The following SH2B2 variants were observed in gnomAD, a reference collection of about 807,000 sequenced individuals.
SH2B2 encodes SH2B adaptor protein 2, also known as SH2B adapter protein 2.
In SH2B2, 37 loss-of-function variants were observed where a neutral mutation model predicts 35.7. The ratio of observed to expected loss-of-function variants is 1.04; its 90% CI spans 0.80 to 1.36. SH2B2 has a LOEUF of 1.36. Among genes scored for constraint, SH2B2 ranks in the 40% most tolerant of loss-of-function variants. SH2B2 has a pLI of 0.00. For synonymous variants in SH2B2, 383 were observed against 376.4 expected (o/e 1.02, Z -0.20); for missense variants, 852 against 817.7 (o/e 1.04, Z -0.51).
Position 102,286,887 on chromosome 7 carries a change from C to T in SH2B2, c.-237C>T, listed in dbSNP as rs1792473641. On this transcript the variant is annotated 5_prime_UTR_variant, in exon 1 of 9. Transcript: ENST00000444095. Reference sequence around the variant, plus strand: ...AGGGGCGCGCCGCGCTGGGGCTGGGCTTGGAGCGCGCGGAGCTCGGCTGCC... The same window carrying T: ...AGGGGCGCGCCGCGCTGGGGCTGGGTTTGGAGCGCGCGGAGCTCGGCTGCC... 1.4e-5 allele frequency: 2 copies of T among 146,118 alleles called. No individual in the cohort carries two copies. The highest frequency in any genetic ancestry group is 5.0e-5 in the African/African-American group (2 of 40,368). The allele number at this position is 146,118 out of a possible 1,614,324, so 9.1% of individuals were successfully genotyped here.
Position 102,314,436 on chromosome 7 carries a change from G to C in SH2B2, c.1015+9G>C. 1 of 397,482 alleles carries C rather than the reference G, an allele frequency of 2.5e-6. No homozygotes were observed. The highest frequency in any genetic ancestry group is 4.4e-5 in the Admixed American group (1 of 22,682). The allele number at this position is 397,482 out of a possible 1,614,324, so 24.6% of individuals were successfully genotyped here. Reference sequence around the variant, plus strand: ...TGAGCTCCTGACTGATGGTAGGTAGGGGGACAGGGTTGAAGGAGGGGCACA... The same window carrying C: ...TGAGCTCCTGACTGATGGTAGGTAGCGGGACAGGGTTGAAGGAGGGGCACA... On this transcript the variant is annotated intron_variant, in intron 5 of 8. Coordinates refer to ENST00000444095, the MANE Select transcript of SH2B2 (RefSeq NM_001359228.2).
Position 102,301,035 on chromosome 7 carries a change from C to A in SH2B2, c.485C>A (p.Ala162Glu). The change falls in exon 2 of 9, where the codon GCG becomes GAG. Residue 162 changes from alanine to glutamate, a missense_variant. This residue lies in a region of SH2B2 where 294 missense variants were observed against 286.6 expected (regional missense o/e 1.03). Transcript: ENST00000444095. ...CGGCGCGCCTCGCCCGAGCCCGACG[C>A]GGCAGCTGCCCCGCGCACCGCCGAG... ...WHRRASPEPD[A>E]AAAPRTAEPR... 2 of 1,377,214 alleles carry A rather than the reference C, an allele frequency of 1.5e-6. No individual in the cohort carries two copies. Among genetic ancestry groups the A allele is most frequent in the South Asian group, 1.6e-5 (1 of 63,530 alleles). 85.3% of individuals were successfully genotyped at this position (1,377,214 alleles called of 1,614,324 possible).
At chr7:102,292,255 G>C (rs1293865) in intron 1 of SH2B2, among the ~76,000 whole-genome samples, 25,966 of 152,014 alleles carry the variant, frequency 0.17, 2,751 homozygotes, top group East Asian at 0.3. Flanking sequence ...CTGGGACCGG[G>C]TGCACTGGCT....
In SH2B2 at chr7:102,321,425, GCGCCTCCTCGTCTTC is replaced by G. The variant is rs1358286234; in HGVS notation, c.1701_1715del (p.Ser572_Ala576del). 25 of 1,321,724 alleles carry G rather than the reference GCGCCTCCTCGTCTTC, an allele frequency of 1.9e-5. No individual in the cohort carries two copies. Among genetic ancestry groups the G allele is most frequent in the African/African-American group, 7.8e-5 (5 of 64,158 alleles). The allele number at this position is 1,321,724 out of a possible 1,614,324, so 81.9% of individuals were successfully genotyped here. On this transcript the variant is annotated inframe_deletion, in exon 9 of 9. Coordinates refer to ENST00000444095, the MANE Select transcript of SH2B2 (RefSeq NM_001359228.2). ...CCTGCCTCGCCCTCCGACGCCGCCG[GCGCCTCCTCGTCTTC>G]CGCCTCGTCGTCCTCTGCCGCGTCG...
At position 102,317,607 on chromosome 7, in the gene SH2B2, C is replaced by T. The variant is rs3761663; in HGVS notation, c.1395+212C>T. Among the ~76,000 whole-genome samples, 56 of 152,354 alleles carry T rather than the reference C, an allele frequency of 3.7e-4. No homozygotes were observed. The East Asian group carries it at 0.01, about 27-fold the overall frequency. On this transcript the variant is annotated intron_variant, in intron 7 of 8. Coordinates refer to ENST00000444095, the MANE Select transcript of SH2B2 (RefSeq NM_001359228.2). Reference sequence around the variant, plus strand: ...TGAGGGACTGCAGTCAGCCCTATTTCAGCCTCTGCATTCTCCAGAAGGGGA... The same window carrying T: ...TGAGGGACTGCAGTCAGCCCTATTTTAGCCTCTGCATTCTCCAGAAGGGGA...
At position 102,314,702 on chromosome 7, in the gene SH2B2, G is replaced by A. The variant is rs1793752578; in HGVS notation, c.1186+20G>A. 7.5e-6 allele frequency: 3 copies of A among 398,732 alleles called. No individual in the cohort carries two copies. Among genetic ancestry groups the A allele is most frequent in the Non-Finnish European group, 1.3e-5 (3 of 226,194 alleles). The allele number at this position is 398,732 out of a possible 1,614,324, so 24.7% of individuals were successfully genotyped here. ...ACACAGGTGCCAGTGGGGACAGCCTGCTCTTCCCATCCCACCTCTCCTGGA... is the reference window on the plus strand; with the variant it reads ...ACACAGGTGCCAGTGGGGACAGCCTACTCTTCCCATCCCACCTCTCCTGGA... On this transcript the variant is annotated intron_variant, in intron 6 of 8. Transcript: ENST00000444095.
At chr7:102,302,301 C>T (rs1793225569) in intron 2 of SH2B2, among the ~76,000 whole-genome samples, 1 of 152,232 alleles carries the variant, frequency 6.6e-6, no homozygotes, top group Non-Finnish European at 1.5e-5. Flanking sequence ...AGAGGGCTCC[C>T]TGGGAGGTCT....
chr7:102,308,757 G>A (rs1793499153), intron 3 of SH2B2, 58 bp from the exon 4 acceptor site: 1 of 1,276,136 alleles, frequency 7.8e-7, no homozygotes. Flanking sequence ...CCTATGTCCT[G>A]TGGTCTGGAG....
intron 1 of SH2B2, among the ~76,000 whole-genome samples, chr7:102,295,370 G>C (rs1022321549): frequency 6.6e-6 from 1 of 152,192 alleles, no homozygotes; most frequent in Non-Finnish European, 1.5e-5. Flanking sequence ...GGATGGGCTT[G>C]GAGCTCAGGG....
chr7:102,317,382 A>C lies in SH2B2; in HGVS notation c.1382A>C (p.Gln461Pro). The C allele has an allele frequency of 1.9e-6, 3 of 1,580,818 alleles. No homozygotes were observed. The highest frequency in any genetic ancestry group is 1.7e-5 in the Admixed American group (1 of 58,666). The change falls in exon 7 of 9, where the codon CAG (glutamine) becomes CCG (proline). Residue 461 changes from glutamine (Q) to proline (P), a missense_variant. Physicochemically the swap from Gln to Pro is moderately conservative, Grantham distance 76. Coordinates refer to ENST00000444095, the MANE Select transcript of SH2B2 (RefSeq NM_001359228.2). ...GAGTACGTGCTGACCTTCAACTTCC[A>C]GGGCAAGGCCAAGGCAAGTGTGTGG... ...PGEYVLTFNFQGKAKHLRLSL... is the reference protein window; with the variant it reads ...PGEYVLTFNFPGKAKHLRLSL...
In SH2B2 at chr7:102,321,698, T is replaced by G; in HGVS notation, c.*68T>G. The G allele has an allele frequency of 9.5e-7, 1 of 1,052,432 alleles. No homozygotes were observed. The highest frequency in any genetic ancestry group is 1.1e-6 in the Non-Finnish European group (1 of 872,624). 65.2% of individuals were successfully genotyped at this position (1,052,432 alleles called of 1,614,324 possible). ...AAGACACGATGTTATTAAAAGCCTGTTTTAGGGACTGCACCCGGCTCTCCT... is the reference window on the plus strand; with the variant it reads ...AAGACACGATGTTATTAAAAGCCTGGTTTAGGGACTGCACCCGGCTCTCCT... On this transcript the variant is annotated 3_prime_UTR_variant, in exon 9 of 9. Transcript: ENST00000444095.
intron 1 of SH2B2, among the ~76,000 whole-genome samples, chr7:102,291,887 G>A (rs1554551836): frequency 6.6e-6 from 1 of 152,212 alleles, no homozygotes; most frequent in African/African-American, 2.4e-5. Flanking sequence ...GGGATGACCT[G>A]CCCAAAGAGC....
Position 102,311,926 on chromosome 7 carries a change from A to G in SH2B2, c.924-2410A>G, listed in dbSNP as rs546427492. On this transcript the variant is annotated intron_variant, in intron 4 of 8. Transcript: ENST00000444095. ...ACCCCATCTCTACTAAAAATGCAAA[A>G]ATTAGCTGGAGGTGGAGGCGGGCCC... Among the ~76,000 whole-genome samples, 211 of 151,214 alleles carry G rather than the reference A, an allele frequency of 1.4e-3. 1 individual carries two copies. The highest frequency in any genetic ancestry group is 2.2e-3 in the Non-Finnish European group (150 of 67,782).
chr7:102,311,591 G>T (rs369734549), intron 4 of SH2B2, among the ~76,000 whole-genome samples: 5 of 141,640 alleles, frequency 3.5e-5, no homozygotes, highest in African/African-American at 1.3e-4. Flanking sequence ...GACGGGATCG[G>T]GATCGTGCTA....
chr7:102,307,352 A>G (rs1554555094), intron 3 of SH2B2, among the ~76,000 whole-genome samples: 1 of 152,182 alleles, frequency 6.6e-6, no homozygotes, highest in African/African-American at 2.4e-5. Context: ...ACACGGCTCC[A>G]GGCTGCCAGA....
chr7:102,315,680 T>G (rs1248017107), intron 6 of SH2B2, among the ~76,000 whole-genome samples: 33 of 135,488 alleles, frequency 2.4e-4, no homozygotes, highest in African/African-American at 7.2e-4. Context: ...AGGTCAAGCC[T>G]ACAGTGAACT....
In SH2B2 at chr7:102,301,194, C is replaced by A; in HGVS notation, c.644C>A (p.Ser215Ter). ...GACGCGGCCGCGGGCTCCGGGGGCT[C>A]GGCTCAGTGGCAGAAGTGCCGCCTG... is the stretch of plus-strand genomic sequence containing the variant. The part of the protein sequence containing the change: ...ADDAAAGSGG[S>*]AQWQKCRLLL... Residue 215 changes from serine to a stop codon, truncating the protein, a stop_gained, in exon 2 of 9, where the codon TCG becomes TAG. Coordinates refer to ENST00000444095, the MANE Select transcript of SH2B2 (RefSeq NM_001359228.2). LOFTEE classifies it high-confidence loss of function. The A allele has an allele frequency of 6.3e-7, 1 of 1,588,098 alleles. No individual in the cohort carries two copies. The highest frequency in any genetic ancestry group is 8.6e-7 in the Non-Finnish European group (1 of 1,169,232).
chr7:102,307,963 G>A (rs1032048924), intron 3 of SH2B2, among the ~76,000 whole-genome samples: 9 of 152,200 alleles, frequency 5.9e-5, no homozygotes, highest in Middle Eastern at 3.4e-3. Flanking sequence ...TAGAGACAGC[G>A]TTTCACCATG....
Position 102,314,634 on chromosome 7 carries a change from C to T in SH2B2, c.1138C>T (p.Gln380Ter). Residue 380 changes from glutamine (Q) to a stop codon, truncating the protein, a stop_gained, in exon 6 of 9, where the codon CAG becomes TAG. Coordinates refer to ENST00000444095, the MANE Select transcript of SH2B2 (RefSeq NM_001359228.2). LOFTEE classifies it high-confidence loss of function. ...LIHVPLETFLQTLESPGGSGS... is the reference protein window; with the variant it reads ...LIHVPLETFL Reference sequence around the variant, plus strand: ...CCACGTCCCGCTAGAGACCTTTCTGCAGACCCTGGAATCCCCGGGCGGCAG... The same window carrying T: ...CCACGTCCCGCTAGAGACCTTTCTGTAGACCCTGGAATCCCCGGGCGGCAG... The T allele has an allele frequency of 2.5e-6, 1 of 398,684 alleles. No individual in the cohort carries two copies. Among genetic ancestry groups the T allele is most frequent in the Non-Finnish European group, 4.4e-6 (1 of 226,144 alleles). 24.7% of individuals were successfully genotyped at this position (398,684 alleles called of 1,614,324 possible). A position where few individuals can be genotyped will look rare whatever the true frequency, so the allele number is the denominator to read the frequency against.
Sources: allele counts gnomAD v4.1 joint callset (sites outside exome capture counted in the v4.1 genomes callset), GRCh38; gene constraint gnomAD v4.1.1; regional missense constraint gnomAD v4.1.1; transcripts MANE v1.5; gene names NCBI Gene and HGNC (gene_info 2026-07-23, HGNC 2026-07-21).